The following NCR3LG1 variants were observed in gnomAD, a reference collection of about 807,000 sequenced individuals.
NCR3LG1 encodes the protein natural cytotoxicity triggering receptor 3 ligand 1.
NCR3LG1 carries 35 observed loss-of-function variants against 34.8 expected under a neutral mutation model. The ratio of observed to expected loss-of-function variants is 1.01; its 90% CI spans 0.77 to 1.33. The LOEUF (loss-of-function observed/expected upper bound fraction) is 1.33, where lower values mean the gene tolerates loss of function less well. Among genes scored for constraint, NCR3LG1 ranks in the 40% most tolerant of loss-of-function variants. The pLI is 0.00. For missense variants in NCR3LG1, 452 were observed against 423.3 expected (o/e 1.07, Z -0.60); for synonymous variants, 173 against 163.6 (o/e 1.06, Z -0.44).
At chr11:17,362,679 CCTTCCTTCCTTCCTTTCTTTCTTT>C (rs1414080362) in intron 2 of NCR3LG1, among the ~76,000 whole-genome samples, 2,999 of 68,298 alleles carry the variant, frequency 0.044, 291 homozygotes, top group East Asian at 0.059. Flanking sequence ...GTGTCTCCTT[CCTTCCTTCCTTCCTTTCTTTCTTT>C]CTTTCTTTCT....
Position 17,362,790 on chromosome 11 carries a change from TTC to T in NCR3LG1, c.422-4211_422-4210del, listed in dbSNP as rs775335746. Among the ~76,000 whole-genome samples the T allele has an allele frequency of 1.2e-4, 11 of 94,320 alleles. 1 individual carries two copies. In the South Asian group the frequency reaches 2.4e-3, roughly 20 times the overall value. The allele number at this position is 94,320 out of a possible 152,430, so 61.9% of individuals were successfully genotyped here. On this transcript the variant is annotated intron_variant, in intron 2 of 4. Transcript: ENST00000338965. ...TTTCCTTCCTTCCTTCTTTCCTTCT[TTC>T]TCTCTCTTTCTTTCTTTCTTTCTTT...
chr11:17,367,452 CAG>C, intron 3 of NCR3LG1, 105 bp downstream of exon 3: 2 of 1,002,784 alleles, frequency 2.0e-6, no homozygotes, highest in South Asian at 1.7e-5. Flanking sequence ...GAAGGGGAAA[CAG>C]AGAAAGCTTG....
chr11:17,371,525 T>A (rs561826091), intron 4 of NCR3LG1, among the ~76,000 whole-genome samples: 26 of 152,344 alleles, frequency 1.7e-4, no homozygotes, highest in Non-Finnish European at 3.2e-4. Context: ...TTACATTCTT[T>A]TGAGGCATCT....
At chr11:17,354,557 T>C (rs1479691757) in intron 1 of NCR3LG1, among the ~76,000 whole-genome samples, 30 of 146,612 alleles carry the variant, frequency 2.0e-4, no homozygotes, top group Middle Eastern at 3.5e-3. Flanking sequence ...TTTTTTTTTT[T>C]TTTTTTTTTT....
At chr11:17,352,797 G>A (rs1299498801) in intron 1 of NCR3LG1, among the ~76,000 whole-genome samples, 2 of 151,716 alleles carry the variant, frequency 1.3e-5, no homozygotes, top group African/African-American at 4.8e-5. Flanking sequence ...ACCTTCAAAC[G>A]TTCTCTTGCT....
chr11:17,353,141 C>T (rs1038897262), intron 1 of NCR3LG1, among the ~76,000 whole-genome samples: 4 of 152,084 alleles, frequency 2.6e-5, no homozygotes, highest in Admixed American at 2.0e-4. Flanking sequence ...ATGTTGAAGG[C>T]GTAGAGCCAA....
intron 2 of NCR3LG1, among the ~76,000 whole-genome samples, chr11:17,363,675 C>A (rs571567253): frequency 6.6e-6 from 1 of 151,836 alleles, no homozygotes; most frequent in African/African-American, 2.4e-5. Context: ...ATTGCAGCTT[C>A]ACCCTAGTGG....
In NCR3LG1 at chr11:17,361,026, C is replaced by A. The variant is rs544036885; in HGVS notation, c.421+4025C>A. ...TGTTGGGATTATAGGTGTGAGCCAC[C>A]ACACCCTGCCCTATTCAGTTTCATT... On this transcript the variant is annotated intron_variant, in intron 2 of 4. Transcript: ENST00000338965. 4.1e-4 allele frequency among the ~76,000 whole-genome samples: 63 copies of A among 152,228 alleles called. 1 individual carries two copies. The highest frequency in any genetic ancestry group is 6.8e-3 in the Middle Eastern group (2 of 294).
At chr11:17,356,373 A>G (rs1406326552) in intron 1 of NCR3LG1, among the ~76,000 whole-genome samples, 1 of 151,830 alleles carries the variant, frequency 6.6e-6, no homozygotes, top group African/African-American at 2.4e-5. Flanking sequence ...TCCTGACCTC[A>G]TGACCTGCCT....
At chr11:17,356,440 T>C (rs1476951787) in intron 1 of NCR3LG1, among the ~76,000 whole-genome samples, 3 of 152,038 alleles carry the variant, frequency 2.0e-5, no homozygotes, top group Admixed American at 1.3e-4. Context: ...CCTGGCCTCA[T>C]GTCTTTTCTT....
chr11:17,356,265 G>A (rs1953204041), intron 1 of NCR3LG1, among the ~76,000 whole-genome samples: 2 of 151,052 alleles, frequency 1.3e-5, no homozygotes, highest in Non-Finnish European at 1.5e-5. Context: ...AGCCTCCCGA[G>A]TAGCTGGGAT....
intron 2 of NCR3LG1, among the ~76,000 whole-genome samples, chr11:17,362,347 G>A (rs1953277921): frequency 6.6e-6 from 1 of 152,072 alleles, no homozygotes; most frequent in Admixed American, 6.6e-5. Context: ...AATTTTTTCT[G>A]TATTGTTGGA....
intron 2 of NCR3LG1, among the ~76,000 whole-genome samples, chr11:17,364,432 A>C (rs1953321799): frequency 6.6e-6 from 1 of 151,924 alleles, no homozygotes. Flanking sequence ...GACCTCAAGC[A>C]ATCTGCCCAC....
intron 2 of NCR3LG1, 116 bp downstream of exon 2, chr11:17,357,117 A>G (rs1953219296): frequency 2.8e-6 from 2 of 710,694 alleles, no homozygotes; most frequent in Admixed American, 3.1e-5. Flanking sequence ...CTGATAATAC[A>G]TGGATGAGCT....
intron 2 of NCR3LG1, among the ~76,000 whole-genome samples, chr11:17,366,388 G>C (rs1953344389): frequency 6.6e-6 from 1 of 152,090 alleles, no homozygotes; most frequent in Non-Finnish European, 1.5e-5. Flanking sequence ...AGTTGCTCTT[G>C]CCACTTTTGC....
intron 2 of NCR3LG1, among the ~76,000 whole-genome samples, chr11:17,359,487 CT>C (rs1163024952): frequency 1.3e-5 from 2 of 148,590 alleles, no homozygotes; most frequent in African/African-American, 2.5e-5. Context: ...GAGTACAGTG[CT>C]TTTTGGCAAT....
chr11:17,373,283 G>A lies in NCR3LG1; in HGVS notation c.*771G>A, dbSNP rs974624610. On this transcript the variant is annotated 3_prime_UTR_variant, in exon 5 of 5. Transcript: ENST00000338965. ...ACACAAGAAAAAGGCAGAGACTCTGGTGGCCACTTTGTATAAAACCCAGTA... is the reference window on the plus strand; with the variant it reads ...ACACAAGAAAAAGGCAGAGACTCTGATGGCCACTTTGTATAAAACCCAGTA... 6.6e-6 allele frequency: 1 copy of A among 152,306 alleles called. No individual in the cohort carries two copies. The highest frequency in any genetic ancestry group is 2.4e-5 in the African/African-American group (1 of 41,466). 9.4% of individuals were successfully genotyped at this position (152,306 alleles called of 1,614,324 possible).
Position 17,356,659 on chromosome 11 carries a change from A to G in NCR3LG1, c.79A>G (p.Lys27Glu). 6.5e-7 allele frequency: 1 copy of G among 1,531,522 alleles called. No homozygotes were observed. Among genetic ancestry groups the G allele is most frequent in the Admixed American group, 2.0e-5 (1 of 50,550 alleles). 94.9% of individuals were successfully genotyped at this position (1,531,522 alleles called of 1,614,324 possible). The stretch of plus-strand genomic sequence containing the variant: ...TCCTCTTATTGCCACAGGTGATCTG[A>G]AAGTAGAGATGATGGCAGGGGGGAC... ...LWALTTEGDL[K>E]VEMMAGGTQI... Residue 27 changes from lysine (K) to glutamate (E), a missense_variant, in exon 2 of 5, where the codon AAA becomes GAA. Lys to Glu is a moderately conservative substitution (Grantham distance 56). Coordinates refer to ENST00000338965, the MANE Select transcript of NCR3LG1 (RefSeq NM_001202439.3).
Position 17,362,748 on chromosome 11 carries a change from CTTTCTTTCTTTCTTTCT to C in NCR3LG1, c.422-4258_422-4242del, listed in dbSNP as rs1953291514. On this transcript the variant is annotated intron_variant, in intron 2 of 4. Coordinates refer to ENST00000338965, the MANE Select transcript of NCR3LG1 (RefSeq NM_001202439.3). ...TCTTTCTTTCTTTCTTTCTTTCTTTCTTTCTTTCTTTCTTTCTTTCCTTCCTTCCTTCTTTCCTTCTT... is the reference window on the plus strand; with the variant it reads ...TCTTTCTTTCTTTCTTTCTTTCTTTCTTCCTTCCTTCCTTCTTTCCTTCTT... 3.7e-5 allele frequency among the ~76,000 whole-genome samples: 4 copies of C among 107,072 alleles called. 1 individual carries two copies. Among genetic ancestry groups the C allele is most frequent in the Non-Finnish European group, 1.7e-5 (1 of 60,002 alleles). The allele number at this position is 107,072 out of a possible 152,430, so 70.2% of individuals were successfully genotyped here.
Sources: gnomAD v4.1 joint callset for allele counts (sites outside exome capture counted in the v4.1 genomes callset) on GRCh38, gnomAD v4.1.1 for gene constraint, MANE v1.5 for transcripts, NCBI Gene and HGNC (gene_info 2026-07-23, HGNC 2026-07-21) for gene names.